Variants in RGS6 observed in about 807,000 individuals in gnomAD.
RGS6 encodes regulator of G protein signaling 6, also known as regulator of G-protein signaling 6.
RGS6 carries 30 observed loss-of-function variants against 78.5 expected under a neutral mutation model. That is an observed-to-expected ratio of 0.38 (90% confidence interval 0.29 to 0.52). RGS6 has a LOEUF of 0.52. RGS6 is among the 20% of genes least tolerant of loss of function. The probability of loss-of-function intolerance (pLI) is 0.85; values close to 1 mark genes in which losing one functional copy is unlikely to be tolerated. For synonymous variants in RGS6, 206 were observed against 206.0 expected (o/e 1.00, Z 0.00); for missense variants, 495 against 609.7 (o/e 0.81, Z 1.98).
chr14:72,219,390 T>C (rs767306279), intron 2 of RGS6, among the ~76,000 whole-genome samples: 2 of 152,192 alleles, frequency 1.3e-5, no homozygotes, highest in African/African-American at 2.4e-5. Flanking sequence ...GTCATGTTGA[T>C]TATTCTTCGT....
intron 3 of RGS6, among the ~76,000 whole-genome samples, chr14:72,386,039 C>G (rs2087865551): frequency 6.6e-6 from 1 of 152,048 alleles, no homozygotes; most frequent in Non-Finnish European, 1.5e-5. Flanking sequence ...AGCATTTCCC[C>G]TCATCACGGA....
the RGS6 span, among the ~76,000 whole-genome samples, chr14:72,599,393 C>CTTT: frequency 5.4e-4 from 42 of 78,198 alleles, 1 homozygote; most frequent in Admixed American, 1.1e-3. Context: ...CTTTTCTTTC[C>CTTT]TTTTTTTTTT....
the RGS6 span, among the ~76,000 whole-genome samples, chr14:71,874,063 A>T: frequency 6.6e-6 from 1 of 152,178 alleles, no homozygotes; most frequent in Admixed American, 6.6e-5. Flanking sequence ...TATAGTTTGA[A>T]GTCAGGTAGC....
At chr14:72,456,752 T>C (rs2095640814) in intron 4 of RGS6, among the ~76,000 whole-genome samples, 1 of 152,144 alleles carries the variant, frequency 6.6e-6, no homozygotes, top group Admixed American at 6.6e-5. Flanking sequence ...CTGTTCTAGC[T>C]GGACTCATGG....
chr14:72,579,326 G>A, the RGS6 span, among the ~76,000 whole-genome samples: 11 of 152,250 alleles, frequency 7.2e-5, no homozygotes, highest in South Asian at 2.1e-4. Context: ...TGTGCCACAC[G>A]TACCATCTTT....
intron 2 of RGS6, among the ~76,000 whole-genome samples, chr14:72,296,993 A>T (rs917001001): frequency 6.6e-6 from 1 of 152,150 alleles, no homozygotes; most frequent in African/African-American, 2.4e-5. Flanking sequence ...CTTTTTCCAC[A>T]TGGCTATCTA....
At chr14:71,965,637 A>G (rs2093465032) in intron 2 of RGS6, among the ~76,000 whole-genome samples, 1 of 152,224 alleles carries the variant, frequency 6.6e-6, no homozygotes, top group Non-Finnish European at 1.5e-5. Flanking sequence ...TTAGTGTTGA[A>G]TTAGACAATT....
At chr14:72,048,939 A>G (rs976818392) in intron 2 of RGS6, among the ~76,000 whole-genome samples, 1 of 152,170 alleles carries the variant, frequency 6.6e-6, no homozygotes, top group African/African-American at 2.4e-5. Context: ...ATTGCATTTC[A>G]TGTTGCCTAT....
rs1386626059 is a variant in RGS6 at position 72,458,234 on chromosome 14, T to C, written c.236-37T>C. On this transcript the variant is annotated intron_variant, in intron 4 of 17. Coordinates refer to ENST00000553525, the MANE Select transcript of RGS6 (RefSeq NM_001204424.2). ...TTAATTTTCAGCCAAATAACCTGCT[T>C]TCTAATTCCTTCTCTCTCTATGCAC... The C allele has an allele frequency of 2.6e-6, 4 of 1,524,062 alleles. No homozygotes were observed. In the Admixed American group the frequency reaches 7.2e-5, roughly 27 times the overall value. 94.4% of individuals were successfully genotyped at this position (1,524,062 alleles called of 1,614,324 possible). A position where few individuals can be genotyped will look rare whatever the true frequency, so the allele number is the denominator to read the frequency against.
chr14:72,316,533 A>G (rs566787944), intron 2 of RGS6, among the ~76,000 whole-genome samples: 1 of 152,156 alleles, frequency 6.6e-6, no homozygotes, highest in Non-Finnish European at 1.5e-5. Context: ...GATGGTTTCC[A>G]GCTTCATCCA....
At chr14:71,912,974 C>A in the RGS6 span, among the ~76,000 whole-genome samples, 1 of 151,972 alleles carries the variant, frequency 6.6e-6, no homozygotes, top group South Asian at 2.1e-4. Context: ...TACAGGTGCC[C>A]ACCACCACAC....
chr14:72,230,657 A>G (rs566026752), intron 2 of RGS6, among the ~76,000 whole-genome samples: 1 of 152,320 alleles, frequency 6.6e-6, no homozygotes, highest in Non-Finnish European at 1.5e-5. Context: ...TCTCTAGGAC[A>G]GGACTGCAGG....
chr14:72,613,218 G>T, the RGS6 span, among the ~76,000 whole-genome samples: 3 of 152,270 alleles, frequency 2.0e-5, no homozygotes, highest in African/African-American at 7.2e-5. Context: ...AGGCCCCAGG[G>T]GCTCACAGGC....
intron 2 of RGS6, among the ~76,000 whole-genome samples, chr14:72,001,895 CTTTTTTTTTTTT>C (rs59274317): frequency 1.1e-5 from 1 of 92,552 alleles, no homozygotes; most frequent in Non-Finnish European, 2.0e-5. Context: ...ATCCATTAAT[CTTTTTTTTTTTT>C]TTTTTTTTTT....
At chr14:72,061,286 G>A (rs1409963678) in intron 2 of RGS6, among the ~76,000 whole-genome samples, 1 of 152,152 alleles carries the variant, frequency 6.6e-6, no homozygotes, top group Non-Finnish European at 1.5e-5. Context: ...ATCTTCAGCA[G>A]TATCCTTTGG....
At chr14:72,418,860 G>T (rs572501777) in intron 3 of RGS6, among the ~76,000 whole-genome samples, 5 of 152,330 alleles carry the variant, frequency 3.3e-5, no homozygotes. Context: ...CTGGCGCCTG[G>T]GCAGGTCTGA....
At chr14:72,112,787 A>G (rs1049589238) in intron 2 of RGS6, among the ~76,000 whole-genome samples, 5 of 152,208 alleles carry the variant, frequency 3.3e-5, no homozygotes, top group African/African-American at 1.2e-4. Context: ...ATGTGATTCC[A>G]AAACCCTGGT....
chr14:72,508,381 T>A (rs1344109184), intron 13 of RGS6, among the ~76,000 whole-genome samples: 2 of 152,152 alleles, frequency 1.3e-5, no homozygotes, highest in Non-Finnish European at 2.9e-5. Flanking sequence ...TTAAATGAAT[T>A]TTAAAATTCA....
chr14:72,067,173 A>G (rs541575603), intron 2 of RGS6, among the ~76,000 whole-genome samples: 1 of 152,310 alleles, frequency 6.6e-6, no homozygotes, highest in South Asian at 2.1e-4. Context: ...TGGGGTACAT[A>G]GCCAGTAATG....
Sources: gnomAD v4.1 joint callset for allele counts (sites outside exome capture counted in the v4.1 genomes callset) on GRCh38, gnomAD v4.1.1 for gene constraint, MANE v1.5 for transcripts, NCBI Gene and HGNC (gene_info 2026-07-23, HGNC 2026-07-21) for gene names.